The following ELN variants were observed in gnomAD, a reference collection of about 807,000 sequenced individuals.
ELN encodes the protein tropoelastin.
Under a neutral mutation model 105.8 loss-of-function variants are expected in ELN, and 65 were observed. That is an observed-to-expected ratio of 0.61 (90% CI 0.50 to 0.75). The LOEUF is 0.75. Ranked by LOEUF, ELN falls within the 30% of genes least tolerant of loss-of-function variation. The pLI is 0.00. For missense variants in ELN, 882 were observed against 969.4 expected (o/e 0.91, Z 1.20); for synonymous variants, 368 against 389.2 (o/e 0.95, Z 0.64).
chr7:74,038,518 C>T (rs1007784486), intron 4 of ELN, among the ~76,000 whole-genome samples: 6 of 152,226 alleles, frequency 3.9e-5, no homozygotes, highest in Non-Finnish European at 7.3e-5. Context: ...GGATCTGCCA[C>T]GAGGGTCCAC....
rs1246477367 is a variant in ELN at position 74,060,053 on chromosome 7, T to G, written c.1576+6T>G. On this transcript the variant is annotated splice_donor_region_variant and intron_variant, in intron 23 of 32. Transcript: ENST00000252034. ...TGGCCCTGGTGGAGTTGCAGGTGAG[T>G]TTCATGAGTCAATGAGCCTGAGGGG... 5 of 1,613,110 alleles carry G rather than the reference T, an allele frequency of 3.1e-6. No homozygotes were observed. Among genetic ancestry groups the G allele is most frequent in the African/African-American group, 1.3e-5 (1 of 74,562 alleles).
intron 3 of ELN, among the ~76,000 whole-genome samples, chr7:74,037,473 C>T (rs932995939): frequency 6.6e-6 from 1 of 152,204 alleles, no homozygotes; most frequent in African/African-American, 2.4e-5. Context: ...GGATTACAGG[C>T]GTGAGCCACC....
intron 29 of ELN, among the ~76,000 whole-genome samples, chr7:74,064,121 G>GAAAGA (rs1262370253): frequency 6.7e-6 from 1 of 148,604 alleles, no homozygotes; most frequent in Non-Finnish European, 1.5e-5. Flanking sequence ...AAAAAAGAAA[G>GAAAGA]AAAGAAAAGA....
Position 74,056,322 on chromosome 7 carries a change from C to T in ELN, c.1202C>T (p.Ala401Val), listed in dbSNP as rs782493042. Residue 401 changes from alanine (A) to valine (V), a missense_variant, in exon 20 of 33, where the codon GCT (alanine) becomes GTT (valine). Physicochemically the swap from Ala to Val is moderately conservative, Grantham distance 64. Coordinates refer to ENST00000252034, the MANE Select transcript of ELN (RefSeq NM_000501.4). Reference protein sequence around the residue: ...VGGIPTYGVGAGGFPGFGVGV... With the variant: ...VGGIPTYGVGVGGFPGFGVGV... ...GGCATTCCTACTTACGGGGTTGGAG[C>T]TGGGGGCTTTCCCGGCTTTGGTGTC... 3.2e-5 allele frequency: 51 copies of T among 1,614,012 alleles called. No individual in the cohort carries two copies. Among genetic ancestry groups the T allele is most frequent in the Non-Finnish European group, 6.8e-6 (8 of 1,180,038 alleles).
intron 2 of ELN, chr7:74,035,760 T>C (rs79148328): frequency 8.7e-5 from 32 of 366,790 alleles, no homozygotes; most frequent in Middle Eastern, 1.8e-3. Flanking sequence ...TTGAGAAAAA[T>C]GAAAATGAAG....
rs1554691353 is a variant in ELN, at chr7:74,069,845, T to A, written c.*1145T>A. The A allele has an allele frequency of 5.0e-6, 1 of 200,736 alleles. No homozygotes were observed. The highest frequency in any genetic ancestry group is 2.3e-5 in the African/African-American group (1 of 43,434). 12.4% of individuals were successfully genotyped at this position (200,736 alleles called of 1,614,324 possible). On this transcript the variant is annotated 3_prime_UTR_variant, in exon 33 of 33. Coordinates refer to ENST00000252034, the MANE Select transcript of ELN (RefSeq NM_000501.4). ...TCTGGATGAAACACACCTTTTTTTT[T>A]AATAAGAAAAGAGAATTAACTGCTT...
At chr7:74,034,955 G>C (rs1789564726) in intron 1 of ELN, among the ~76,000 whole-genome samples, 1 of 152,030 alleles carries the variant, frequency 6.6e-6, no homozygotes, top group Non-Finnish European at 1.5e-5. Flanking sequence ...ACAGAAATTA[G>C]CCGTGCTTGG....
At chr7:74,032,683 G>T (rs1244583929) in intron 1 of ELN, among the ~76,000 whole-genome samples, 4 of 152,186 alleles carry the variant, frequency 2.6e-5, no homozygotes, top group Non-Finnish European at 4.4e-5. Context: ...GGACAGAGGA[G>T]ATCTGGGGGA....
intron 1 of ELN, among the ~76,000 whole-genome samples, chr7:74,030,898 G>C (rs1554661853): frequency 6.6e-6 from 1 of 152,196 alleles, no homozygotes; most frequent in African/African-American, 2.4e-5. Context: ...CCCGCTCTGT[G>C]TGTCTGCCGA....
In ELN at chr7:74,053,105, C is replaced by G. The variant is rs551887698; in HGVS notation, c.950-58C>G. 4.3e-6 allele frequency: 7 copies of G among 1,613,296 alleles called. No individual in the cohort carries two copies. The East Asian group carries it at 1.3e-4, about 31-fold the overall frequency. The stretch of plus-strand genomic sequence containing the variant: ...GTCACTTCCATACTCTACTAACCAC[C>G]CTTCTAGCCCCTCTGAGGTTCCCAT... On this transcript the variant is annotated intron_variant, in intron 17 of 32. Coordinates refer to ENST00000252034, the MANE Select transcript of ELN (RefSeq NM_000501.4).
intron 31 of ELN, 151 bp downstream of exon 31, chr7:74,066,148 T>A: frequency 8.8e-7 from 1 of 1,134,502 alleles, no homozygotes; most frequent in Non-Finnish European, 1.3e-6. Context: ...GCAGATGTAC[T>A]GGGCAAACGG....
At position 74,043,183 on chromosome 7, in the gene ELN, C is replaced by T; in HGVS notation, c.427+15C>T. The T allele has an allele frequency of 1.3e-6, 2 of 1,579,448 alleles. No individual in the cohort carries two copies. Among genetic ancestry groups the T allele is most frequent in the Non-Finnish European group, 1.7e-6 (2 of 1,162,344 alleles). The stretch of plus-strand genomic sequence containing the variant: ...GAAAGTGCCGGGTCAGTGCGGAATC[C>T]CTGGGGCTGGAGGACAGAGGGCAGG... On this transcript the variant is annotated intron_variant, in intron 8 of 32. Coordinates refer to ENST00000252034, the MANE Select transcript of ELN (RefSeq NM_000501.4).
rs535455482 is a variant in ELN, at chr7:74,042,954, C to A, written c.326-30C>A. On this transcript the variant is annotated intron_variant, in intron 6 of 32. Transcript: ENST00000252034. The stretch of plus-strand genomic sequence containing the variant: ...CCTTCTGCCTCCCCACTGTTCCTTA[C>A]GCAATGCCTCACCTGTCCTGGCTCT... The A allele has an allele frequency of 1.4e-4, 218 of 1,614,054 alleles. 4 individuals are homozygous for A. In the South Asian group the frequency reaches 2.2e-3, roughly 17 times the overall value.
At chr7:74,056,164 G>T in intron 19 of ELN, 107 bp from the exon 20 acceptor site, 2 of 1,460,954 alleles carry the variant, frequency 1.4e-6, no homozygotes, top group Non-Finnish European at 1.9e-6. Context: ...TATGGACAAG[G>T]CCTGGGGGAA....
Position 74,036,544 on chromosome 7 carries a change from TC to T in ELN, c.134-5del, listed in dbSNP as rs782192434. 12 of 1,613,326 alleles carry T rather than the reference TC, an allele frequency of 7.4e-6. No individual in the cohort carries two copies. The highest frequency in any genetic ancestry group is 1.0e-5 in the Non-Finnish European group (12 of 1,179,870). On this transcript the variant is annotated splice_polypyrimidine_tract_variant and intron_variant, in intron 2 of 32. Transcript: ENST00000252034. Reference sequence around the variant, plus strand: ...CCGATGATCTCTCTTTCTCTTTCTCTCCCCCCACAGGGGCTGGTCTCGGAGC... The same window carrying T: ...CCGATGATCTCTCTTTCTCTTTCTCTCCCCCACAGGGGCTGGTCTCGGAGC...
intron 19 of ELN, among the ~76,000 whole-genome samples, chr7:74,055,009 C>T (rs1457392678): frequency 6.6e-6 from 1 of 152,270 alleles, no homozygotes; most frequent in Non-Finnish European, 1.5e-5. Context: ...CTGAGCTTCC[C>T]TGCTCTGGCC....
intron 1 of ELN, among the ~76,000 whole-genome samples, chr7:74,030,465 ATTTT>A (rs781804483): frequency 2.1e-5 from 3 of 142,032 alleles, no homozygotes; most frequent in South Asian, 2.2e-4. Flanking sequence ...AGTATCAGGG[ATTTT>A]TTTTTTTTTT....
At chr7:74,038,179 A>T in intron 4 of ELN, 1 of 283,338 alleles carries the variant, frequency 3.5e-6, no homozygotes, top group Non-Finnish European at 7.0e-6. Flanking sequence ...TTGACCCCAG[A>T]CCAATACCCC....
intron 2 of ELN, 108 bp downstream of exon 2, chr7:74,035,522 C>A: frequency 7.6e-7 from 1 of 1,320,292 alleles, no homozygotes; most frequent in Non-Finnish European, 1.1e-6. Flanking sequence ...ACACGCCTAC[C>A]AGAAGTCACA....
Sources: allele counts gnomAD v4.1 joint callset (sites outside exome capture counted in the v4.1 genomes callset), GRCh38; gene constraint gnomAD v4.1.1; transcripts MANE v1.5; gene names NCBI Gene and HGNC (gene_info 2026-07-23, HGNC 2026-07-21).